Variants in CSPP1 observed in about 807,000 individuals in gnomAD.
The protein encoded by CSPP1 is centrosome and spindle pole-associated protein 1.
CSPP1 carries 126 observed loss-of-function variants against 164.4 expected under a neutral mutation model. The observed-to-expected ratio is 0.77, with a 90% CI of 0.66 to 0.89. CSPP1 has a LOEUF of 0.89. Among genes scored for constraint, CSPP1 ranks in the 40% least tolerant of loss-of-function variants. The probability of loss-of-function intolerance (pLI) is 0.00; values close to 1 mark genes in which losing one functional copy is unlikely to be tolerated. For synonymous variants in CSPP1, 472 were observed against 476.7 expected (o/e 0.99, Z 0.13); for missense variants, 1,395 against 1,449.8 (o/e 0.96, Z 0.61).
chr8:67,072,315 G>C (rs1026649020), intron 1 of CSPP1, among the ~76,000 whole-genome samples: 3 of 151,258 alleles, frequency 2.0e-5, no homozygotes, highest in Non-Finnish European at 4.4e-5. Context: ...TTTTTAGATA[G>C]GACACAAAAA....
chr8:67,094,119 GAAAAAAA>G lies in CSPP1; in HGVS notation c.483+498_483+504del, dbSNP rs71249416. ...TGGGTGACAGAGCGAGACCTGGTCT[GAAAAAAA>G]AAAAAAAAAAAAAAAAAAAGGATGA... On this transcript the variant is annotated intron_variant, in intron 6 of 30. Coordinates refer to ENST00000678616, the MANE Select transcript of CSPP1 (RefSeq NM_001382391.1). Among the ~76,000 whole-genome samples the G allele has an allele frequency of 6.1e-3, 180 of 29,432 alleles. 1 individual carries two copies. The highest frequency in any genetic ancestry group is 0.028 in the African/African-American group (174 of 6,268). 19.3% of individuals were successfully genotyped at this position (29,432 alleles called of 152,430 possible).
At chr8:67,066,727 A>G (rs1250657048) in intron 1 of CSPP1, among the ~76,000 whole-genome samples, 1 of 152,046 alleles carries the variant, frequency 6.6e-6, no homozygotes, top group Non-Finnish European at 1.5e-5. Flanking sequence ...AATCATGTTT[A>G]TATATATACA....
At position 67,195,745 on chromosome 8, in the gene CSPP1, G is replaced by A; in HGVS notation, c.*152G>A. On this transcript the variant is annotated 3_prime_UTR_variant, in exon 31 of 31. Coordinates refer to ENST00000678616, the MANE Select transcript of CSPP1 (RefSeq NM_001382391.1). ...TTATTTTTATCATGATGTATATTAT[G>A]TACATAAATAAAAGGCCATGATTAT... 1 of 617,656 alleles carries A rather than the reference G, an allele frequency of 1.6e-6. No homozygotes were observed. Among genetic ancestry groups the A allele is most frequent in the East Asian group, 2.8e-5 (1 of 35,720 alleles). The allele number at this position is 617,656 out of a possible 1,614,324, so 38.3% of individuals were successfully genotyped here.
intron 19 of CSPP1, among the ~76,000 whole-genome samples, chr8:67,154,883 A>G (rs1372490179): frequency 1.3e-5 from 2 of 152,242 alleles, no homozygotes; most frequent in Non-Finnish European, 2.9e-5. Flanking sequence ...CAGAGAATGC[A>G]TCTTTCTAGA....
At position 67,118,506 on chromosome 8, in the gene CSPP1, A is replaced by G. The variant is rs1253243773; in HGVS notation, c.1618+137A>G. The stretch of plus-strand genomic sequence containing the variant: ...CAGATGTTATATATTGATTTAATAA[A>G]TGCCCTATTTTAAAGCCCAGTTATA... On this transcript the variant is annotated intron_variant, in intron 14 of 30. Transcript: ENST00000678616. The G allele has an allele frequency of 9.0e-6, 8 of 885,138 alleles. No homozygotes were observed. The East Asian group carries it at 2.0e-4, about 22-fold the overall frequency. 54.8% of individuals were successfully genotyped at this position (885,138 alleles called of 1,614,324 possible). A position where few individuals can be genotyped will look rare whatever the true frequency, so the allele number is the denominator to read the frequency against.
At chr8:67,190,800 A>C in intron 29 of CSPP1, 41 bp downstream of exon 29, 1 of 1,424,512 alleles carries the variant, frequency 7.0e-7, no homozygotes, top group Non-Finnish European at 9.9e-7. Flanking sequence ...ACTTAGAAGA[A>C]TGAGAGGTCT....
chr8:67,193,568 A>T lies in CSPP1; in HGVS notation c.3435A>T (p.Arg1145Ser). 1 of 1,613,840 alleles carries T rather than the reference A, an allele frequency of 6.2e-7. No individual in the cohort carries two copies. The highest frequency in any genetic ancestry group is 8.5e-7 in the Non-Finnish European group (1 of 1,179,728). ...LRVRNEERMR[R>S]LNEFHNKPIN... The stretch of plus-strand genomic sequence containing the variant: ...TGAGAAATGAGGAACGAATGCGAAG[A>T]CTGAATGAATTTCACAATAAACCTA... The change falls in exon 30 of 31, where the codon AGA (arginine) becomes AGT (serine). Residue 1145 changes from arginine (R) to serine (S), a missense_variant. Physicochemically the swap from Arg to Ser is moderately radical, Grantham distance 110. Transcript: ENST00000678616.
intron 24 of CSPP1, among the ~76,000 whole-genome samples, chr8:67,167,372 C>T (rs1469504863): frequency 7.4e-5 from 11 of 149,008 alleles, no homozygotes; most frequent in South Asian, 2.2e-4. Flanking sequence ...CCCACCCGGA[C>T]GGGGCAGCTG....
chr8:67,083,360 C>T (rs1042907134), intron 3 of CSPP1, among the ~76,000 whole-genome samples: 3 of 150,880 alleles, frequency 2.0e-5, no homozygotes, highest in Non-Finnish European at 3.0e-5. Context: ...GGTGAAACCC[C>T]GCCTCCACTA....
At chr8:67,146,428 G>C (rs1287863445) in intron 17 of CSPP1, among the ~76,000 whole-genome samples, 4 of 152,060 alleles carry the variant, frequency 2.6e-5, no homozygotes, top group African/African-American at 9.7e-5. Context: ...CAGCTGGAGA[G>C]AATATACTTT....
At chr8:67,139,409 T>G (rs1302811630) in intron 17 of CSPP1, among the ~76,000 whole-genome samples, 2 of 152,044 alleles carry the variant, frequency 1.3e-5, no homozygotes, top group East Asian at 1.9e-4. Flanking sequence ...TGTAAACTAG[T>G]TCAACCATTG....
chr8:67,081,170 A>G (rs549521040), intron 3 of CSPP1: 1 of 132,492 alleles, frequency 7.5e-6, no homozygotes, highest in South Asian at 2.2e-4. Context: ...TGTGAATAAT[A>G]AAGACATTCC....
chr8:67,190,393 C>T (rs955482485), intron 28 of CSPP1, among the ~76,000 whole-genome samples: 23 of 151,750 alleles, frequency 1.5e-4, no homozygotes, highest in Non-Finnish European at 1.0e-4. Flanking sequence ...CGTGTTTGCC[C>T]GGGGCCAGCA....
In CSPP1 at chr8:67,104,718, A is replaced by G. The variant is rs759577909; in HGVS notation, c.1023-1187A>G. ...AGCGGCACGATCTCAGCTCACTGCA[A>G]TCTCTGCCTCCTGGGTTCAAGTGAT... On this transcript the variant is annotated intron_variant, in intron 8 of 30. Transcript: ENST00000678616. 2.6e-5 allele frequency among the ~76,000 whole-genome samples: 4 copies of G among 151,512 alleles called. No individual in the cohort carries two copies. In the East Asian group the frequency reaches 5.8e-4, roughly 22 times the overall value.
At chr8:67,119,065 C>T (rs987977919) in intron 15 of CSPP1, among the ~76,000 whole-genome samples, 1 of 152,098 alleles carries the variant, frequency 6.6e-6, no homozygotes, top group African/African-American at 2.4e-5. Flanking sequence ...CTCTGGCAAC[C>T]ACCATTCTAT....
At chr8:67,104,210 TAA>T (rs1391523201) in intron 8 of CSPP1, among the ~76,000 whole-genome samples, 3 of 152,218 alleles carry the variant, frequency 2.0e-5, no homozygotes, top group Non-Finnish European at 4.4e-5. Context: ...TCTAATTGAT[TAA>T]GTTTCCTTTG....
chr8:67,149,719 A>AT (rs1825320799), intron 17 of CSPP1, 64 bp from the exon 18 acceptor site: 1 of 1,158,778 alleles, frequency 8.6e-7, no homozygotes, highest in Non-Finnish European at 1.2e-6. Context: ...TTAAGAAAAT[A>AT]TATTTTGCAT....
At chr8:67,188,614 G>A (rs1445303342) in intron 28 of CSPP1, among the ~76,000 whole-genome samples, 2 of 152,180 alleles carry the variant, frequency 1.3e-5, no homozygotes, top group African/African-American at 2.4e-5. Flanking sequence ...ATGCTCTTCT[G>A]GTCCATGTTT....
intron 26 of CSPP1, among the ~76,000 whole-genome samples, chr8:67,177,101 G>A (rs1831878923): frequency 6.6e-6 from 1 of 150,796 alleles, no homozygotes; most frequent in African/African-American, 2.4e-5. Flanking sequence ...AAAGAATATG[G>A]CCTCACTATA....
Sources: gnomAD v4.1 joint callset for allele counts (sites outside exome capture counted in the v4.1 genomes callset) on GRCh38, gnomAD v4.1.1 for gene constraint, MANE v1.5 for transcripts, NCBI Gene and HGNC (gene_info 2026-07-23, HGNC 2026-07-21) for gene names.